Variants in MYO5B observed in about 807,000 individuals in gnomAD.
MYO5B encodes the protein myosin VB.
MYO5B carries 143 observed loss-of-function variants against 229.3 expected under a neutral mutation model. That is an observed-to-expected ratio of 0.62 (90% CI 0.54 to 0.72). The LOEUF (loss-of-function observed/expected upper bound fraction) is 0.72, where lower values mean the gene tolerates loss of function less well. MYO5B is among the 30% of genes least tolerant of loss of function. The probability of loss-of-function intolerance (pLI) is 0.00; values close to 1 mark genes in which losing one functional copy is unlikely to be tolerated. For missense variants in MYO5B, 2,321 were observed against 2,331.0 expected (o/e 1.00, Z 0.09); for synonymous variants, 918 against 885.2 (o/e 1.04, Z -0.66).
intron 1 of MYO5B, chr18:50,064,007 A>AT (rs1476303712): frequency 6.6e-6 from 1 of 152,350 alleles, no homozygotes; most frequent in Non-Finnish European, 1.5e-5. Flanking sequence ...CAACTGGTTT[A>AT]TACCAGTAGT....
At chr18:49,924,446 G>A (rs2025108037) in intron 17 of MYO5B, among the ~76,000 whole-genome samples, 1 of 152,158 alleles carries the variant, frequency 6.6e-6, no homozygotes, top group Admixed American at 6.5e-5. Context: ...AAGTGTGGGA[G>A]TCAATACTTG....
At position 50,039,229 on chromosome 18, in the gene MYO5B, T is replaced by C. The variant is rs2029927888; in HGVS notation, c.310+914A>G. Among the ~76,000 whole-genome samples the C allele has an allele frequency of 2.0e-5, 3 of 152,336 alleles. 1 individual carries two copies. On this transcript the variant is annotated intron_variant, in intron 3 of 39. Transcript: ENST00000285039. ...AATTTGCCTCTCAAACAACGGTTTA[T>C]AGGGTTCTATTTTTGCTTTGCCACT... is the stretch of plus-strand genomic sequence containing the variant.
At chr18:49,909,963 A>G (rs1013319118) in intron 18 of MYO5B, among the ~76,000 whole-genome samples, 2 of 152,218 alleles carry the variant, frequency 1.3e-5, no homozygotes, top group Admixed American at 1.3e-4. Flanking sequence ...TGGTGTAAAC[A>G]TAAAGACACT....
intron 1 of MYO5B, among the ~76,000 whole-genome samples, chr18:50,074,151 T>C (rs3898017): frequency 0.11 from 16,188 of 152,166 alleles, 1,684 homozygotes; most frequent in African/African-American, 0.27. Context: ...ACTTCTTACA[T>C]GGCAGCAGCA....
intron 1 of MYO5B, among the ~76,000 whole-genome samples, chr18:50,056,793 C>T (rs182079208): frequency 1.3e-5 from 2 of 150,590 alleles, no homozygotes; most frequent in Non-Finnish European, 3.0e-5. Flanking sequence ...ACTCCTCCTA[C>T]ACTTGTCTCT....
At chr18:49,917,383 C>T (rs1250680775) in intron 17 of MYO5B, among the ~76,000 whole-genome samples, 1 of 151,918 alleles carries the variant, frequency 6.6e-6, no homozygotes. Context: ...GTGGGACAGT[C>T]CTAACACCAT....
chr18:50,063,517 A>G (rs959413437), intron 1 of MYO5B, among the ~76,000 whole-genome samples: 6 of 152,204 alleles, frequency 3.9e-5, no homozygotes, highest in East Asian at 1.9e-4. Context: ...AGAAAGAACT[A>G]TAACATAATA....
At chr18:49,891,229 A>C (rs1170675261) in intron 22 of MYO5B, among the ~76,000 whole-genome samples, 1 of 152,082 alleles carries the variant, frequency 6.6e-6, no homozygotes, top group Non-Finnish European at 1.5e-5. Context: ...TGTTATCCCC[A>C]AATCGCCTTG....
intron 2 of MYO5B, among the ~76,000 whole-genome samples, chr18:50,053,446 C>A (rs2030457632): frequency 6.6e-6 from 1 of 152,320 alleles, no homozygotes; most frequent in Admixed American, 6.5e-5. Context: ...AACACCCACC[C>A]ACTAGAAAAG....
intron 21 of MYO5B, among the ~76,000 whole-genome samples, chr18:49,902,180 C>T (rs899993429): frequency 7.2e-5 from 11 of 152,274 alleles, no homozygotes; most frequent in South Asian, 2.1e-4. Flanking sequence ...AGGGGAGAGT[C>T]CATGTCTTCG....
chr18:49,922,845 C>A (rs979931551), intron 17 of MYO5B, among the ~76,000 whole-genome samples: 25 of 152,064 alleles, frequency 1.6e-4, no homozygotes, highest in African/African-American at 5.8e-4. Flanking sequence ...ATCAGAATAG[C>A]AGTAAAAGAC....
intron 1 of MYO5B, among the ~76,000 whole-genome samples, chr18:50,097,092 C>G (rs562241662): frequency 6.6e-6 from 1 of 152,342 alleles, no homozygotes; most frequent in Admixed American, 6.5e-5. Flanking sequence ...TTCAACACTG[C>G]TGTTGATATG....
At position 49,936,320 on chromosome 18, in the gene MYO5B, C is replaced by T; in HGVS notation, c.1935G>A (p.Glu645=). 6.2e-7 allele frequency: 1 copy of T among 1,602,680 alleles called. No homozygotes were observed. Among genetic ancestry groups the T allele is most frequent in the Non-Finnish European group, 8.5e-7 (1 of 1,173,898 alleles). The change falls in exon 16 of 40, where the codon GAG becomes GAA. Residue 645 remains glutamate, a synonymous_variant. Coordinates refer to ENST00000285039, the MANE Select transcript of MYO5B (RefSeq NM_001080467.3). ...AGTGAGGTGTCGTGGCATTCAGGGTCTCCATGAGCAGATGCAGGGAGGTAC... is the reference window on the plus strand; with the variant it reads ...AGTGAGGTGTCGTGGCATTCAGGGTTTCCATGAGCAGATGCAGGGAGGTAC... ...QFRTSLHLLM[E]TLNATTPHYV... is the part of the protein sequence containing the mutation.
At chr18:49,955,479 C>T (rs141527441) in intron 12 of MYO5B, among the ~76,000 whole-genome samples, 3 of 152,284 alleles carry the variant, frequency 2.0e-5, no homozygotes, top group African/African-American at 7.2e-5. Context: ...GTTTAGATTG[C>T]ATATTTGGAT....
At chr18:50,055,577 G>A (rs2030528004) in intron 1 of MYO5B, among the ~76,000 whole-genome samples, 199 bp from the exon 2 acceptor site, 2 of 152,120 alleles carry the variant, frequency 1.3e-5, no homozygotes, top group South Asian at 4.1e-4. Context: ...GTAGCAGAGG[G>A]CACCTTTTAG....
intron 37 of MYO5B, among the ~76,000 whole-genome samples, 177 bp downstream of exon 37, chr18:49,837,340 G>A (rs777000372): frequency 8.5e-5 from 13 of 152,122 alleles, no homozygotes; most frequent in South Asian, 8.3e-4. Flanking sequence ...CTCAGTGTTC[G>A]ACGGATTTCA....
chr18:50,015,951 A>G (rs1479968157), intron 4 of MYO5B, among the ~76,000 whole-genome samples: 1 of 152,232 alleles, frequency 6.6e-6, no homozygotes, highest in African/African-American at 2.4e-5. Flanking sequence ...CTTGAGCACT[A>G]TGGGCTCTAA....
intron 4 of MYO5B, among the ~76,000 whole-genome samples, chr18:50,032,149 G>C (rs2026397193): frequency 6.6e-6 from 1 of 152,130 alleles, no homozygotes; most frequent in Non-Finnish European, 1.5e-5. Flanking sequence ...AGTTAAACTT[G>C]CCTAGGTACA....
chr18:50,116,955 C>T (rs1332701552), intron 1 of MYO5B, among the ~76,000 whole-genome samples: 1 of 152,050 alleles, frequency 6.6e-6, no homozygotes, highest in Non-Finnish European at 1.5e-5. Flanking sequence ...GACTCACATA[C>T]CCAACTTTTT....
Sources: gnomAD v4.1 joint callset for allele counts (sites outside exome capture counted in the v4.1 genomes callset) on GRCh38, gnomAD v4.1.1 for gene constraint, MANE v1.5 for transcripts, NCBI Gene and HGNC (gene_info 2026-07-23, HGNC 2026-07-21) for gene names.